The following MCU variants were observed in gnomAD, a reference collection of about 807,000 sequenced individuals.
MCU encodes mitochondrial calcium uniporter.
Under a neutral mutation model 45.2 loss-of-function variants are expected in MCU, and 12 were observed. That is an observed-to-expected ratio of 0.27 (90% CI 0.17 to 0.43). MCU has a LOEUF of 0.43. Ranked by LOEUF, MCU falls within the 20% of genes least tolerant of loss-of-function variation. The pLI is 1.00. For missense variants in MCU, 324 were observed against 436.7 expected (o/e 0.74, Z 2.30); for synonymous variants, 160 against 165.1 (o/e 0.97, Z 0.24).
intron 1 of MCU, among the ~76,000 whole-genome samples, chr10:72,705,765 T>C (rs1254933126): frequency 6.6e-6 from 1 of 151,124 alleles, no homozygotes; most frequent in African/African-American, 2.4e-5. Flanking sequence ...TGCAGTGAGC[T>C]GAGATTGAGC....
chr10:72,772,923 A>G (rs1843833622), intron 1 of MCU, among the ~76,000 whole-genome samples: 2 of 34,378 alleles, frequency 5.8e-5, no homozygotes, highest in East Asian at 7.2e-4. Context: ...GTTTTGAGAC[A>G]CGGTCTTTCC....
Position 72,871,551 on chromosome 10 carries a change from A to G in MCU, c.832A>G (p.Met278Val), listed in dbSNP as rs778553213. The G allele has an allele frequency of 6.8e-6, 11 of 1,614,024 alleles. No individual in the cohort carries two copies. In the African/African-American group the frequency reaches 1.2e-4, roughly 18 times the overall value. ...CATCACTTATGGAAGTGCCATGGCAATGTATGCATATTTTGTAATGACACG... is the reference window on the plus strand; with the variant it reads ...CATCACTTATGGAAGTGCCATGGCAGTGTATGCATATTTTGTAATGACACG... ...YFITYGSAMA[M>V]YAYFVMTRQE... The change falls in exon 6 of 8, where the codon ATG (methionine) becomes GTG (valine). Residue 278 changes from methionine (M) to valine (V), a missense_variant. Around this residue, in one of 4 missense-constraint regions of MCU, gnomAD observed 76 missense variants for 99.4 expected, o/e 0.76. Coordinates refer to ENST00000373053, the MANE Select transcript of MCU (RefSeq NM_138357.3).
At chr10:72,717,962 CTAT>C (rs1842974690) in intron 1 of MCU, among the ~76,000 whole-genome samples, 1 of 152,156 alleles carries the variant, frequency 6.6e-6, no homozygotes, top group African/African-American at 2.4e-5. Flanking sequence ...TCACCTTCTT[CTAT>C]TATTAACATT....
In MCU at chr10:72,707,233, A is replaced by G. The variant is rs556440989; in HGVS notation, c.150+14932A>G. 2.2e-4 allele frequency among the ~76,000 whole-genome samples: 27 copies of G among 125,320 alleles called. No homozygotes were observed. In the South Asian group the frequency reaches 6.3e-3, roughly 29 times the overall value. The allele number at this position is 125,320 out of a possible 152,430, so 82.2% of individuals were successfully genotyped here. A position where few individuals can be genotyped will look rare whatever the true frequency, so the allele number is the denominator to read the frequency against. ...TTTTTTTTTGAGAGAGAGTCTTGCT[A>G]TGTCACCCATGCTGGAGGTCAGTGG... On this transcript the variant is annotated intron_variant, in intron 1 of 7. Coordinates refer to ENST00000373053, the MANE Select transcript of MCU (RefSeq NM_138357.3).
At chr10:72,743,586 T>C (rs1843367844) in intron 1 of MCU, among the ~76,000 whole-genome samples, 1 of 152,134 alleles carries the variant, frequency 6.6e-6, no homozygotes, top group South Asian at 2.1e-4. Flanking sequence ...TCTGTACTTG[T>C]ACATTTAAGG....
At chr10:72,806,871 A>G (rs927631470) in intron 1 of MCU, among the ~76,000 whole-genome samples, 1 of 152,240 alleles carries the variant, frequency 6.6e-6, no homozygotes, top group Non-Finnish European at 1.5e-5. Context: ...ATGCAAGGCC[A>G]TGAGGCCAGA....
chr10:72,733,462 C>T (rs1195954329), intron 1 of MCU, among the ~76,000 whole-genome samples: 1 of 151,970 alleles, frequency 6.6e-6, no homozygotes, highest in East Asian at 1.9e-4. Context: ...GTCTCAAAAA[C>T]AACAACAACA....
intron 3 of MCU, chr10:72,859,926 C>T (rs1027213966): frequency 3.3e-5 from 5 of 152,496 alleles, no homozygotes; most frequent in African/African-American, 1.2e-4. Flanking sequence ...CACCTGGATT[C>T]ACCAGTTAAC....
At chr10:72,716,134 C>T (rs1358504770) in intron 1 of MCU, among the ~76,000 whole-genome samples, 1 of 152,150 alleles carries the variant, frequency 6.6e-6, no homozygotes, top group African/African-American at 2.4e-5. Context: ...TGTGGTTGCC[C>T]TGGCACTATA....
At position 72,772,961 on chromosome 10, in the gene MCU, C is replaced by T. The variant is rs191408000; in HGVS notation, c.151-61398C>T. 6.5e-3 allele frequency among the ~76,000 whole-genome samples: 982 copies of T among 152,072 alleles called. 5 individuals carry two copies. Among genetic ancestry groups the T allele is most frequent in the Middle Eastern group, 0.014 (4 of 294 alleles). The stretch of plus-strand genomic sequence containing the variant: ...GTCACTAGGCTGGAGTGCAGTGGCA[C>T]GACCGTGGCTCACTGTAGCCTCAAC... On this transcript the variant is annotated intron_variant, in intron 1 of 7. Transcript: ENST00000373053.
At chr10:72,706,173 T>C (rs1283539620) in intron 1 of MCU, among the ~76,000 whole-genome samples, 7 of 152,026 alleles carry the variant, frequency 4.6e-5, no homozygotes, top group Admixed American at 4.6e-4. Context: ...GGCCTTAACT[T>C]GTTTTGATTT....
intron 1 of MCU, among the ~76,000 whole-genome samples, chr10:72,712,779 C>A (rs1244074265): frequency 6.6e-6 from 1 of 152,144 alleles, no homozygotes; most frequent in Admixed American, 6.6e-5. Context: ...TTTAAAAAGA[C>A]AATCTCTGAT....
At chr10:72,721,451 G>A (rs1476029028) in intron 1 of MCU, among the ~76,000 whole-genome samples, 4 of 151,990 alleles carry the variant, frequency 2.6e-5, no homozygotes, top group African/African-American at 9.7e-5. Context: ...TGAACATTTG[G>A]CTCCCCGTCT....
At chr10:72,725,703 G>T (rs1843088953) in intron 1 of MCU, among the ~76,000 whole-genome samples, 1 of 151,942 alleles carries the variant, frequency 6.6e-6, no homozygotes. Context: ...TGACCAACAT[G>T]GTGAAACCCC....
intron 6 of MCU, among the ~76,000 whole-genome samples, chr10:72,877,180 A>G (rs1224541103): frequency 1.3e-5 from 2 of 152,136 alleles, no homozygotes; most frequent in Non-Finnish European, 2.9e-5. Context: ...TCAGCCTCTC[A>G]AAATACTAGG....
intron 1 of MCU, among the ~76,000 whole-genome samples, chr10:72,777,879 A>G (rs1018006306): frequency 4.6e-5 from 7 of 152,236 alleles, no homozygotes; most frequent in African/African-American, 1.7e-4. Context: ...AAAAGATTCA[A>G]ACACATTTCT....
chr10:72,781,068 T>A (rs1473139151), intron 1 of MCU, among the ~76,000 whole-genome samples: 2 of 152,262 alleles, frequency 1.3e-5, no homozygotes, highest in East Asian at 1.9e-4. Flanking sequence ...TAAAAAAAAT[T>A]TTTTTTAAAG....
intron 1 of MCU, among the ~76,000 whole-genome samples, chr10:72,798,345 G>A (rs1396249891): frequency 6.6e-6 from 1 of 152,186 alleles, no homozygotes; most frequent in East Asian, 1.9e-4. Flanking sequence ...AGGCTGGAGT[G>A]CAGTGGCGCA....
chr10:72,789,609 T>C (rs1176154757), intron 1 of MCU, among the ~76,000 whole-genome samples: 3 of 152,174 alleles, frequency 2.0e-5, no homozygotes, highest in Admixed American at 6.5e-5. Flanking sequence ...GGTCAAACCA[T>C]GTTTGACACA....
Sources: allele counts gnomAD v4.1 joint callset (sites outside exome capture counted in the v4.1 genomes callset), GRCh38; gene constraint gnomAD v4.1.1; regional missense constraint gnomAD v4.1.1; transcripts MANE v1.5; gene names NCBI Gene and HGNC (gene_info 2026-07-23, HGNC 2026-07-21).